Variants in RXRA observed in about 807,000 individuals in gnomAD.
RXRA encodes the protein retinoic acid receptor RXR-alpha.
RXRA carries 5 observed loss-of-function variants against 44.5 expected under a neutral mutation model. That is an observed-to-expected ratio of 0.11 (90% CI 0.06 to 0.24). RXRA has a LOEUF of 0.24. Among genes scored for constraint, RXRA ranks in the 10% least tolerant of loss-of-function variants. The pLI is 1.00. For missense variants in RXRA, 412 were observed against 646.5 expected, an observed-to-expected ratio of 0.64 and a Z score of 3.93; for synonymous variants, 291 against 271.4, an observed-to-expected ratio of 1.07 and a Z score of -0.71.
At chr9:134,367,324 C>T (rs1426945427) in intron 1 of RXRA, among the ~76,000 whole-genome samples, 2 of 152,126 alleles carry the variant, frequency 1.3e-5, no homozygotes, top group East Asian at 1.9e-4. Flanking sequence ...ACTGAGTCTG[C>T]GGTGGGGGGG....
At chr9:134,402,884 GT>G (rs1219640296) in intron 2 of RXRA, 3 of 101,930 alleles carry the variant, frequency 2.9e-5, no homozygotes, top group Non-Finnish European at 2.6e-5. Flanking sequence ...CCATGGCAGA[GT>G]TTTGGTGCCA....
chr9:134,360,216 G>A (rs536481445), intron 1 of RXRA, among the ~76,000 whole-genome samples: 2 of 152,350 alleles, frequency 1.3e-5, no homozygotes, highest in Admixed American at 1.3e-4. Flanking sequence ...AGTAGCCTCG[G>A]TGGGGGGCAC....
chr9:134,434,444 A>T (rs1831582505), intron 9 of RXRA, among the ~76,000 whole-genome samples: 1 of 152,148 alleles, frequency 6.6e-6, no homozygotes, highest in South Asian at 2.1e-4. Flanking sequence ...CCTGGCGCAT[A>T]GTAGGTGCTT....
At chr9:134,431,863 G>A in intron 7 of RXRA, 42 bp from the exon 8 acceptor site, 1 of 1,506,766 alleles carries the variant, frequency 6.6e-7, no homozygotes. Context: ...GGTGAGGGCT[G>A]CGACCTAACT....
rs1176011918 is a variant in RXRA at position 134,388,688 on chromosome 9, TGGGC to T, written c.29-12942_29-12939del. ...CTTGTGGAGTTGGTGGCCGCCATTC[TGGGC>T]GCATCGGGCTCTCCCGGCCCCTTTC... On this transcript the variant is annotated intron_variant, in intron 1 of 9. Coordinates refer to ENST00000481739, the MANE Select transcript of RXRA (RefSeq NM_002957.6). Among the ~76,000 whole-genome samples, 4 of 152,236 alleles carry T rather than the reference TGGGC, an allele frequency of 2.6e-5. No individual in the cohort carries two copies. In the East Asian group the frequency reaches 7.7e-4, roughly 29 times the overall value.
chr9:134,384,540 A>G (rs1304530507), intron 1 of RXRA, among the ~76,000 whole-genome samples: 1 of 152,168 alleles, frequency 6.6e-6, no homozygotes, highest in Non-Finnish European at 1.5e-5. Flanking sequence ...GGTGAGACCC[A>G]GGAGGGAAGG....
Position 134,366,397 on chromosome 9 carries a change from T to C in RXRA, c.29-35235T>C, listed in dbSNP as rs1019017772. Among the ~76,000 whole-genome samples, 2 of 152,104 alleles carry C rather than the reference T, an allele frequency of 1.3e-5. No homozygotes were observed. The highest frequency in any genetic ancestry group is 2.9e-5 in the Non-Finnish European group (2 of 67,998). Reference sequence around the variant, plus strand: ...TGATCTCAGACGGTTCCCAGCTTCCTCTGCAGGGCGGGGCTGCTCCAGTCT... The same window carrying C: ...TGATCTCAGACGGTTCCCAGCTTCCCCTGCAGGGCGGGGCTGCTCCAGTCT... On this transcript the variant is annotated intron_variant, in intron 1 of 9. Transcript: ENST00000481739. The surrounding 1 kb of genome is among the most constrained non-coding windows in gnomAD (Gnocchi z 5.9).
chr9:134,397,986 A>T (rs113769552), intron 1 of RXRA, among the ~76,000 whole-genome samples: 20,067 of 149,322 alleles, frequency 0.13, 4,331 homozygotes, highest in African/African-American at 0.46. Flanking sequence ...TTTATTTTTT[A>T]TTTTTTTTTT....
chr9:134,429,302 G>A, intron 7 of RXRA, 62 bp downstream of exon 7: 5 of 1,565,880 alleles, frequency 3.2e-6, no homozygotes, highest in Non-Finnish European at 3.5e-6. Context: ...GGCCAGCTGA[G>A]TTCAGCCACC....
chr9:134,418,604 C>A (rs1222112175), intron 5 of RXRA, among the ~76,000 whole-genome samples: 2 of 152,192 alleles, frequency 1.3e-5, no homozygotes, highest in African/African-American at 4.8e-5. Context: ...TGGCTCTTCC[C>A]CAGGCTTTGG....
At chr9:134,405,724 C>G (rs937199501) in intron 2 of RXRA, 20 of 152,528 alleles carry the variant, frequency 1.3e-4, no homozygotes, top group African/African-American at 4.3e-4. Context: ...ATGGCCTGTG[C>G]TCCTCCAGCC....
At chr9:134,427,450 C>T (rs1831453831) in intron 6 of RXRA, among the ~76,000 whole-genome samples, 3 of 152,224 alleles carry the variant, frequency 2.0e-5, no homozygotes, top group Admixed American at 1.3e-4. Context: ...TCCATCAGAC[C>T]GCCCGTGGTG....
intron 9 of RXRA, among the ~76,000 whole-genome samples, chr9:134,436,183 G>A (rs745666193): frequency 1.2e-4 from 18 of 152,224 alleles, no homozygotes; most frequent in Admixed American, 3.9e-4. Context: ...GAGCTATTCA[G>A]TCTGCCCTAG....
intron 4 of RXRA, among the ~76,000 whole-genome samples, chr9:134,411,957 C>A (rs1216104505): frequency 2.6e-5 from 4 of 152,136 alleles, no homozygotes; most frequent in Non-Finnish European, 5.9e-5. Context: ...CCTGCAGGGA[C>A]CCCACGTGGA....
intron 9 of RXRA, among the ~76,000 whole-genome samples, chr9:134,435,324 G>A (rs1459617931): frequency 1.3e-5 from 2 of 152,136 alleles, no homozygotes; most frequent in Non-Finnish European, 2.9e-5. Flanking sequence ...TGTCCTCAGC[G>A]GCAGCTGCTG....
intron 1 of RXRA, among the ~76,000 whole-genome samples, chr9:134,334,979 G>C (rs938819392): frequency 6.6e-6 from 1 of 152,118 alleles, no homozygotes; most frequent in Admixed American, 6.5e-5. Context: ...AGGCAGTAGG[G>C]GCCACAGATG....
At chr9:134,367,094 C>CAG (rs1468423760) in intron 1 of RXRA, among the ~76,000 whole-genome samples, 3 of 152,200 alleles carry the variant, frequency 2.0e-5, no homozygotes, top group African/African-American at 7.2e-5. Flanking sequence ...AGTGGGTTTT[C>CAG]ATCCACACAC....
intron 1 of RXRA, among the ~76,000 whole-genome samples, chr9:134,378,357 G>GCCTGTGTGCCAGCA (rs1199691871): frequency 2.0e-5 from 3 of 152,246 alleles, no homozygotes; most frequent in African/African-American, 2.4e-5. Flanking sequence ...GCCGGCCAGC[G>GCCTGTGTGCCAGCA]CCTGTGTGCG....
At chr9:134,403,014 C>T (rs1250662051) in intron 2 of RXRA, 1 of 152,234 alleles carries the variant, frequency 6.6e-6, no homozygotes, top group African/African-American at 2.4e-5. Flanking sequence ...CCTCAGTTTA[C>T]CTAGGGCAGG....
Sources: gnomAD v4.1 joint callset for allele counts (sites outside exome capture counted in the v4.1 genomes callset) on GRCh38, gnomAD v4.1.1 for gene constraint, Gnocchi (gnomAD v3.1) non-coding constraint, MANE v1.5 for transcripts, NCBI Gene and HGNC (gene_info 2026-07-23, HGNC 2026-07-21) for gene names.